The following GNAS variants were observed in gnomAD, a reference collection of about 807,000 sequenced individuals.
GNAS encodes protein ALEX.
A neutral mutation model predicts 54.5 loss-of-function variants in GNAS; 8 were observed. That is an observed-to-expected ratio of 0.15 (90% CI 0.09 to 0.26). GNAS has a LOEUF of 0.26. Ranked by LOEUF, GNAS falls within the 10% of genes least tolerant of loss-of-function variation. The pLI is 1.00. For missense variants in GNAS, 170 were observed against 529.8 expected (o/e 0.32, Z 6.67); for synonymous variants, 204 against 191.4 (o/e 1.07, Z -0.54).
upstream of GNAS, chr20:58,840,619 C>T (rs1161862151): frequency 6.2e-7 from 1 of 1,608,134 alleles, no homozygotes; most frequent in South Asian, 1.1e-5. The surrounding 1 kb of genome is among the most constrained non-coding windows in gnomAD (Gnocchi z 6.0). Flanking sequence ...TGCGAAGCCC[C>T]GACGCCTCCC....
In GNAS at chr20:58,854,789, C is replaced by T. The variant is rs111796234; in HGVS notation, c.43+13903C>T. ...CAGCCGCTTCTGCCACCCGGGCAGC[C>T]CAAGTCCGCCGGGCGGCCTCTGCAG... is the stretch of plus-strand genomic sequence containing the variant. On this transcript the variant is annotated intron_variant, in intron 1 of 12. Coordinates refer to the GNAS transcript ENST00000306090. The T allele has an allele frequency of 8.6e-5, 136 of 1,574,472 alleles. No individual in the cohort carries two copies. Among genetic ancestry groups the T allele is most frequent in the Middle Eastern group, 6.6e-4 (4 of 6,020 alleles).
intron 6 of GNAS, among the ~76,000 whole-genome samples, chr20:58,905,733 TGA>T (rs1337647685): frequency 6.6e-6 from 1 of 152,242 alleles, no homozygotes; most frequent in Non-Finnish European, 1.5e-5. Flanking sequence ...AAAATGATGA[TGA>T]GTTTCATAGT....
chr20:58,871,955 G>A (rs895665180), intron 1 of GNAS, among the ~76,000 whole-genome samples: 1 of 152,126 alleles, frequency 6.6e-6, no homozygotes, highest in Non-Finnish European at 1.5e-5. Context: ...TGAGGGGCCA[G>A]GCTGGCTAGA....
intron 1 of GNAS, among the ~76,000 whole-genome samples, chr20:58,885,692 T>A (rs931596890): frequency 1.3e-5 from 2 of 152,244 alleles, no homozygotes; most frequent in African/African-American, 4.8e-5. Flanking sequence ...AATAGAGCCT[T>A]CTTACAAGGA....
intron 3 of GNAS, chr20:58,900,389 A>C: frequency 4.7e-6 from 1 of 215,010 alleles, no homozygotes; most frequent in Non-Finnish European, 9.3e-6. Context: ...GATAAATAAA[A>C]ATTCTCTGCA....
upstream of GNAS, chr20:58,840,392 TCC>T: frequency 6.2e-7 from 1 of 1,613,320 alleles, no homozygotes; most frequent in Non-Finnish European, 8.5e-7. This position sits in a 1 kb window ranked among gnomAD's most constrained non-coding sequence, Gnocchi z 6.0. Flanking sequence ...CCTTGAGCTG[TCC>T]CTCCCCGAGT....
chr20:58,840,947 A>T lies in GNAS; in HGVS notation c.43+61A>T, dbSNP rs536634729. On this transcript the variant is annotated intron_variant, in intron 1 of 12. Transcript: ENST00000306090. The surrounding 1 kb of genome is among the most constrained non-coding windows in gnomAD (Gnocchi z 6.0). ...GCGGTGTGGGAGCAGCGCAGGTGGAAAGGAGGTGAGAAGGAAAGGCAGGTC... is the reference window on the plus strand; with the variant it reads ...GCGGTGTGGGAGCAGCGCAGGTGGATAGGAGGTGAGAAGGAAAGGCAGGTC... The T allele has an allele frequency of 5.8e-5, 91 of 1,565,768 alleles. No individual in the cohort carries two copies. The African/African-American group carries it at 6.2e-4, about 11-fold the overall frequency.
At chr20:58,854,338 C>A in intron 1 of GNAS, 2 of 1,589,800 alleles carry the variant, frequency 1.3e-6, no homozygotes, top group East Asian at 4.6e-5. Context: ...GAGGAGGAAG[C>A]AGCAGAGATG....
chr20:58,853,155 C>G lies in GNAS; in HGVS notation c.43+12269C>G. ...TTGGAAAGTGAGGCCGGTGAACTTT[C>G]CAGCTGGTACTTTGATTTTAAAATA... On this transcript the variant is annotated intron_variant, in intron 1 of 12. Coordinates refer to the GNAS transcript ENST00000306090. This position sits in a 1 kb window ranked among gnomAD's most constrained non-coding sequence, Gnocchi z 4.4. 2.1e-6 allele frequency: 3 copies of G among 1,437,464 alleles called. No homozygotes were observed. The highest frequency in any genetic ancestry group is 2.7e-6 in the Non-Finnish European group (3 of 1,099,606). 89.0% of individuals were successfully genotyped at this position (1,437,464 alleles called of 1,614,324 possible). A position where few individuals can be genotyped will look rare whatever the true frequency, so the allele number is the denominator to read the frequency against.
rs1478354532 is a variant in GNAS at position 58,873,646 on chromosome 20, C to T, written c.44-21966C>T. Among the ~76,000 whole-genome samples the T allele has an allele frequency of 6.6e-6, 1 of 152,170 alleles. No individual in the cohort carries two copies. Among genetic ancestry groups the T allele is most frequent in the Non-Finnish European group, 1.5e-5 (1 of 68,036 alleles). On this transcript the variant is annotated intron_variant, in intron 1 of 12. Coordinates refer to the GNAS transcript ENST00000306090. This position sits in a 1 kb window ranked among gnomAD's most constrained non-coding sequence, Gnocchi z 4.3. ...AGCTGCTCACGTGTCTGCCACGCCCCTTAGAAGGACGAATCCTTGCCTGGT... is the reference window on the plus strand; with the variant it reads ...AGCTGCTCACGTGTCTGCCACGCCCTTTAGAAGGACGAATCCTTGCCTGGT...
chr20:58,878,064 A>C (rs1452044540), intron 1 of GNAS, among the ~76,000 whole-genome samples: 4 of 152,212 alleles, frequency 2.6e-5, no homozygotes, highest in Non-Finnish European at 4.4e-5. Flanking sequence ...CCTTGGTTTT[A>C]GGGCCCTTTC....
At chr20:58,852,771 C>T (rs1033236470) in intron 1 of GNAS, 28 of 221,836 alleles carry the variant, frequency 1.3e-4, no homozygotes, top group Non-Finnish European at 2.3e-4. Context: ...CCCTGCGAGG[C>T]CTGCGCTCAC....
At position 58,854,693 on chromosome 20, in the gene GNAS, C is replaced by G. The variant is rs559714658; in HGVS notation, c.43+13807C>G. 3.3e-4 allele frequency: 509 copies of G among 1,529,040 alleles called. 5 individuals are homozygous for G. The South Asian group carries it at 5.8e-3, about 17-fold the overall frequency. 94.7% of individuals were successfully genotyped at this position (1,529,040 alleles called of 1,614,324 possible). A position where few individuals can be genotyped will look rare whatever the true frequency, so the allele number is the denominator to read the frequency against. Reference sequence around the variant, plus strand: ...GGGCGGCCCCTGAGGCTCCCGCCGCCCCTGCGGCTGCTGAGACCCGGGCAG... The same window carrying G: ...GGGCGGCCCCTGAGGCTCCCGCCGCGCCTGCGGCTGCTGAGACCCGGGCAG... On this transcript the variant is annotated intron_variant, in intron 1 of 12. Coordinates refer to the GNAS transcript ENST00000306090.
intron 2 of GNAS, chr20:58,897,476 A>T (rs954366444): frequency 1.2e-4 from 18 of 152,246 alleles, no homozygotes; most frequent in African/African-American, 4.1e-4. Context: ...TTTTTCAAAG[A>T]TGCAGCAGCC....
chr20:58,879,666 C>T lies in GNAS; in HGVS notation c.44-15946C>T, dbSNP rs528849369. Among the ~76,000 whole-genome samples the T allele has an allele frequency of 4.2e-3, 637 of 152,230 alleles. 5 individuals are homozygous for T. The highest frequency in any genetic ancestry group is 0.01 in the Middle Eastern group (3 of 294). ...ACACACAAACAAGGTGTGGGGGTCT[C>T]GCTTTCTCTGCTGCAGCCATCTGAA... is the stretch of plus-strand genomic sequence containing the variant. On this transcript the variant is annotated intron_variant, in intron 1 of 12. Coordinates refer to the GNAS transcript ENST00000306090.
chr20:58,891,885 GCCGGCC>G lies in GNAS; in HGVS notation c.139+28_139+33del, dbSNP rs762099356. 3 of 1,120,528 alleles carry G rather than the reference GCCGGCC, an allele frequency of 2.7e-6. No individual in the cohort carries two copies. The highest frequency in any genetic ancestry group is 4.3e-5 in the South Asian group (2 of 46,738). The allele number at this position is 1,120,528 out of a possible 1,614,324, so 69.4% of individuals were successfully genotyped here. ...TGCTGGGTAAGGGCGGGCGGGGGGC[GCCGGCC>G]CCGGCCCGGGGGCCCTCGAAGGGCG... On this transcript the variant is annotated intron_variant, in intron 1 of 12. Coordinates refer to ENST00000371085, the MANE Select transcript of GNAS (RefSeq NM_000516.7).
intron 6 of GNAS, 93 bp downstream of exon 6, chr20:58,905,573 G>C (rs1161140782): frequency 1.8e-5 from 14 of 796,446 alleles, no homozygotes; most frequent in Non-Finnish European, 2.9e-5. Flanking sequence ...GTTACTTGTT[G>C]ATGATTCCTT....
intron 3 of GNAS, 87 bp downstream of exon 3, chr20:58,899,072 A>G: frequency 9.8e-7 from 1 of 1,015,790 alleles, no homozygotes; most frequent in East Asian, 2.4e-5. Flanking sequence ...GAGACCCGGG[A>G]AGAAAATAAA....
At chr20:58,870,407 G>A (rs537457257) in intron 1 of GNAS, among the ~76,000 whole-genome samples, 9 of 152,346 alleles carry the variant, frequency 5.9e-5, no homozygotes, top group African/African-American at 2.2e-4. Flanking sequence ...AGGAGGCCAG[G>A]GCAGGTGGCT....
Sources: allele counts gnomAD v4.1 joint callset (sites outside exome capture counted in the v4.1 genomes callset), GRCh38; gene constraint gnomAD v4.1.1; non-coding constraint Gnocchi (gnomAD v3.1); transcripts MANE v1.5; gene names NCBI Gene and HGNC (gene_info 2026-07-23, HGNC 2026-07-21).